Variants in ADGRV1 observed in about 807,000 individuals in gnomAD.
The protein encoded by ADGRV1 is G-protein coupled receptor 98.
Under a neutral mutation model 596.2 loss-of-function variants are expected in ADGRV1, and 359 were observed. That is an observed-to-expected ratio of 0.60 (90% confidence interval 0.55 to 0.66). The LOEUF is 0.66. ADGRV1 is among the 30% of genes least tolerant of loss of function. The pLI is 0.00. For synonymous variants in ADGRV1, 2,681 were observed against 2,679.2 expected, an observed-to-expected ratio of 1.00 and a Z score of -0.02; for missense variants, 7,274 against 7,575.6, an observed-to-expected ratio of 0.96 and a Z score of 1.48.
At chr5:90,660,423 C>T (rs778247654) in intron 21 of ADGRV1, among the ~76,000 whole-genome samples, 2 of 152,194 alleles carry the variant, frequency 1.3e-5, no homozygotes, top group Admixed American at 6.5e-5. Flanking sequence ...TAATTATCTT[C>T]TGAGTTCAAA....
intron 87 of ADGRV1, among the ~76,000 whole-genome samples, chr5:91,148,858 C>T (rs1795779840): frequency 6.6e-6 from 1 of 152,250 alleles, no homozygotes; most frequent in African/African-American, 2.4e-5. Context: ...CGGGAACCCA[C>T]CTCTTGCATC....
At chr5:90,654,835 T>C (rs929210676) in intron 20 of ADGRV1, 24 of 152,182 alleles carry the variant, frequency 1.6e-4, no homozygotes, top group African/African-American at 4.8e-4. Context: ...TGTGGTATTA[T>C]CCACTTTTTG....
intron 87 of ADGRV1, among the ~76,000 whole-genome samples, chr5:91,147,607 G>A (rs1173039097): frequency 6.6e-6 from 1 of 152,104 alleles, no homozygotes; most frequent in Non-Finnish European, 1.5e-5. Flanking sequence ...TGCCATAATT[G>A]TAAGTTTTCT....
rs938005107 is a variant in ADGRV1 at position 91,035,337 on chromosome 5, A to G, written c.18153-37110A>G. ...TTGAGGCCCATTCACTTACTTCCCA[A>G]TGGACTATTAAGGAGTTTTGCTGAA... On this transcript the variant is annotated intron_variant, in intron 85 of 89. Coordinates refer to ENST00000405460, the MANE Select transcript of ADGRV1 (RefSeq NM_032119.4). Among the ~76,000 whole-genome samples the G allele has an allele frequency of 5.9e-5, 9 of 152,108 alleles. No homozygotes were observed. The South Asian group carries it at 6.2e-4, about 11-fold the overall frequency.
Position 90,789,864 on chromosome 5 carries a change from A to G in ADGRV1, c.14043+13A>G, listed in dbSNP as rs1217168359. ...TGGAGAGATTATGGTATTACTTTTC[A>G]TTTGATTTTTCAAAGTACCAGTTTG... On this transcript the variant is annotated intron_variant, in intron 69 of 89. Coordinates refer to ENST00000405460, the MANE Select transcript of ADGRV1 (RefSeq NM_032119.4). The G allele has an allele frequency of 1.5e-6, 2 of 1,339,040 alleles. No homozygotes were observed. The highest frequency in any genetic ancestry group is 1.9e-6 in the Non-Finnish European group (2 of 1,032,512). The allele number at this position is 1,339,040 out of a possible 1,614,324, so 82.9% of individuals were successfully genotyped here.
At chr5:90,748,823 G>GT (rs1383181586) in intron 52 of ADGRV1, among the ~76,000 whole-genome samples, 116 of 143,196 alleles carry the variant, frequency 8.1e-4, no homozygotes, top group South Asian at 4.4e-3. Flanking sequence ...GTTTTTTTTT[G>GT]TTTTTTTTTT....
intron 85 of ADGRV1, among the ~76,000 whole-genome samples, chr5:91,059,661 T>G (rs1787222523): frequency 6.6e-6 from 1 of 152,210 alleles, no homozygotes; most frequent in South Asian, 2.1e-4. Flanking sequence ...CATTTCCCCC[T>G]CAATATTGGG....
chr5:91,092,993 C>T (rs1790514838), intron 86 of ADGRV1, among the ~76,000 whole-genome samples: 1 of 152,208 alleles, frequency 6.6e-6, no homozygotes, highest in Admixed American at 6.5e-5. Context: ...CAGGTAGAGG[C>T]TGCCTCTGCC....
intron 86 of ADGRV1, among the ~76,000 whole-genome samples, chr5:91,090,624 C>T (rs1562205522): frequency 6.6e-6 from 1 of 151,762 alleles, no homozygotes; most frequent in Non-Finnish European, 1.5e-5. Context: ...TCTCTGCCTG[C>T]AGATCTAGTG....
At chr5:90,975,127 A>G (rs1400212211) in intron 84 of ADGRV1, among the ~76,000 whole-genome samples, 1 of 151,736 alleles carries the variant, frequency 6.6e-6, no homozygotes, top group Non-Finnish European at 1.5e-5. Context: ...CTATCAGAGA[A>G]ATGGAAATCA....
At position 90,712,050 on chromosome 5, in the gene ADGRV1, A is replaced by C. The variant is rs546083429; in HGVS notation, c.9043-237A>C. Reference sequence around the variant, plus strand: ...TGATCAGCCCGCCTCGGCCTCACATAGTGCTGGGATTACAGGCGTGAGCCA... The same window carrying C: ...TGATCAGCCCGCCTCGGCCTCACATCGTGCTGGGATTACAGGCGTGAGCCA... On this transcript the variant is annotated intron_variant, in intron 41 of 89. Transcript: ENST00000405460. 2.6e-5 allele frequency among the ~76,000 whole-genome samples: 4 copies of C among 152,340 alleles called. 1 individual carries two copies. The South Asian group carries it at 8.3e-4, about 32-fold the overall frequency.
At position 90,637,831 on chromosome 5, in the gene ADGRV1, G is replaced by T. The variant is rs752509634; in HGVS notation, c.2123G>T (p.Gly708Val). The T allele has an allele frequency of 1.2e-6, 2 of 1,613,634 alleles. No individual in the cohort carries two copies. The highest frequency in any genetic ancestry group is 1.7e-5 in the Admixed American group (1 of 59,912). ...AAAGCAGTGACCCCGGATGATATAG[G>T]CCCCTTTAATGGCTCTGTTTTGTTT... is the stretch of plus-strand genomic sequence containing the variant. ...NSKAVTPDDI[G>V]PFNGSVLFLS... The change falls in exon 11 of 90, where the codon GGC becomes GTC. Residue 708 changes from glycine to valine, a missense_variant. Transcript: ENST00000405460.
intron 21 of ADGRV1, among the ~76,000 whole-genome samples, chr5:90,662,353 C>T (rs1770471240): frequency 6.6e-6 from 1 of 151,758 alleles, no homozygotes; most frequent in Non-Finnish European, 1.5e-5. Flanking sequence ...ACCACCATGC[C>T]CGGCTAATTT....
chr5:90,642,230 G>A (rs2149426341), intron 11 of ADGRV1, among the ~76,000 whole-genome samples: 1 of 152,244 alleles, frequency 6.6e-6, no homozygotes, highest in Non-Finnish European at 1.5e-5. Flanking sequence ...TCAAGTGTAT[G>A]TAAAATTGAA....
chr5:90,690,116 A>G (rs185617858), intron 30 of ADGRV1, 40 bp downstream of exon 30: 8 of 1,122,846 alleles, frequency 7.1e-6, no homozygotes, highest in African/African-American at 6.2e-5. Flanking sequence ...ACTTGTCTGC[A>G]TGTATAGATC....
Position 90,690,939 on chromosome 5 carries a change from C to T in ADGRV1, c.6849C>T (p.Gly2283=), listed in dbSNP as rs374348614. The T allele has an allele frequency of 3.3e-5, 54 of 1,613,778 alleles. 1 individual carries two copies. The South Asian group carries it at 4.7e-4, about 14-fold the overall frequency. ...VATINGQLAT[G]DLRVVSGNVT... Reference sequence around the variant, plus strand: ...CCATTAATGGACAGCTTGCTACTGGCGACCTGCGAGTTGTCTCAGGTAATG... The same window carrying T: ...CCATTAATGGACAGCTTGCTACTGGTGACCTGCGAGTTGTCTCAGGTAATG... The change falls in exon 31 of 90, where the codon GGC becomes GGT. Residue 2283 remains glycine, a synonymous_variant. Coordinates refer to ENST00000405460, the MANE Select transcript of ADGRV1 (RefSeq NM_032119.4).
rs904292159 is a variant in ADGRV1 at position 90,663,827 on chromosome 5, A to G, written c.4752+5549A>G. 3.9e-5 allele frequency among the ~76,000 whole-genome samples: 6 copies of G among 152,174 alleles called. No individual in the cohort carries two copies. The East Asian group carries it at 7.7e-4, about 20-fold the overall frequency. On this transcript the variant is annotated intron_variant, in intron 21 of 89. Coordinates refer to ENST00000405460, the MANE Select transcript of ADGRV1 (RefSeq NM_032119.4). ...AAGGGATCCAGTTTCAGCTTTCTACATATGGCTAGCCAATTTTCCCAGCAC... is the reference window on the plus strand; with the variant it reads ...AAGGGATCCAGTTTCAGCTTTCTACGTATGGCTAGCCAATTTTCCCAGCAC...
At chr5:90,627,175 G>A in intron 6 of ADGRV1, 36 bp from the exon 7 acceptor site, 1 of 1,195,134 alleles carries the variant, frequency 8.4e-7, no homozygotes, top group South Asian at 1.9e-5. Context: ...TGTTTTGGCT[G>A]TTGATGTTTT....
chr5:90,759,579 A>C lies in ADGRV1; in HGVS notation c.12111A>C (p.Glu4037Asp). 1 of 1,612,762 alleles carries C rather than the reference A, an allele frequency of 6.2e-7. No homozygotes were observed. The highest frequency in any genetic ancestry group is 8.5e-7 in the Non-Finnish European group (1 of 1,178,970). ...CTCCATTTGGAGTATTTGGATTTGA[A>C]GAAAAGACTGTAAGTTAAACATATC... ...NDSPFGVFGF[E>D]EKTVMIDESL... Residue 4037 changes from glutamate to aspartate, a missense_variant, in exon 58 of 90, where the codon GAA becomes GAC. This residue lies in a region of ADGRV1 where 3,643 missense variants were observed against 3,809.2 expected (regional missense o/e 0.96). Transcript: ENST00000405460.
Sources: allele counts gnomAD v4.1 joint callset (sites outside exome capture counted in the v4.1 genomes callset), GRCh38; gene constraint gnomAD v4.1.1; regional missense constraint gnomAD v4.1.1; transcripts MANE v1.5; gene names NCBI Gene and HGNC (gene_info 2026-07-23, HGNC 2026-07-21).